CMPK2: variants seen among roughly 807,000 people sequenced by gnomAD.
The protein encoded by CMPK2 is UMP-CMP kinase 2, mitochondrial.
Under a neutral mutation model 33.4 loss-of-function variants are expected in CMPK2, and 32 were observed. The ratio of observed to expected loss-of-function variants is 0.96; its 90% CI spans 0.72 to 1.29. CMPK2 has a LOEUF of 1.29. CMPK2 is among the 50% of genes most tolerant of loss of function. CMPK2 has a pLI of 0.00. For missense variants in CMPK2, 672 were observed against 616.0 expected, an observed-to-expected ratio of 1.09 and a Z score of -0.96; for synonymous variants, 299 against 275.3, an observed-to-expected ratio of 1.09 and a Z score of -0.85.
chr2:6,851,707 TTC>T, intron 3 of CMPK2, 24 bp from the exon 4 acceptor site: 2 of 1,605,540 alleles, frequency 1.2e-6, no homozygotes, highest in Non-Finnish European at 1.7e-6. Context: ...GGGTAGTGAG[TTC>T]TCTGTCTGCA....
At chr2:6,851,745 A>T in intron 3 of CMPK2, 62 bp from the exon 4 acceptor site, 1 of 1,502,630 alleles carries the variant, frequency 6.7e-7, no homozygotes, top group Non-Finnish European at 9.1e-7. Context: ...GCATCTGAAA[A>T]TCAGCAGCCA....
intron 3 of CMPK2, among the ~76,000 whole-genome samples, chr2:6,860,163 C>T (rs1662830249): frequency 6.6e-6 from 1 of 152,188 alleles, no homozygotes; most frequent in Admixed American, 6.5e-5. Context: ...ATGCCTGTAG[C>T]CTCACTGTAT....
intron 3 of CMPK2, among the ~76,000 whole-genome samples, chr2:6,858,673 C>T (rs953902555): frequency 6.6e-6 from 1 of 152,192 alleles, no homozygotes; most frequent in African/African-American, 2.4e-5. Flanking sequence ...TGAGATGTGC[C>T]GTAACTTCCA....
chr2:6,854,449 C>A (rs1027469255), intron 3 of CMPK2, among the ~76,000 whole-genome samples: 1 of 152,166 alleles, frequency 6.6e-6, no homozygotes, highest in Non-Finnish European at 1.5e-5. Flanking sequence ...TCCACAAAGA[C>A]AACAAATAAC....
chr2:6,857,034 C>T (rs1361295539), intron 3 of CMPK2, among the ~76,000 whole-genome samples: 1 of 152,190 alleles, frequency 6.6e-6, no homozygotes, highest in Non-Finnish European at 1.5e-5. Flanking sequence ...AAACTGCTCT[C>T]TAAGTGATTA....
chr2:6,850,555 GC>G (rs1662486156), intron 4 of CMPK2: 1 of 175,778 alleles, frequency 5.7e-6, no homozygotes, highest in Non-Finnish European at 1.1e-5. Flanking sequence ...TCACAACTCT[GC>G]CTGACCACTT....
In CMPK2 at chr2:6,851,556, G is replaced by T; in HGVS notation, c.1120C>A (p.Leu374Met). 1.2e-6 allele frequency: 2 copies of T among 1,614,204 alleles called. No individual in the cohort carries two copies. The highest frequency in any genetic ancestry group is 1.7e-6 in the Non-Finnish European group (2 of 1,180,036). Residue 374 changes from leucine (L) to methionine (M), a missense_variant, in exon 4 of 5, where the codon CTG becomes ATG. Transcript: ENST00000256722. Reference protein sequence around the residue: ...EDLLKPDLILLLTVSPEERLQ... With the variant: ...EDLLKPDLILMLTVSPEERLQ... ...CTCTCCTCAGGACTCACAGTGAGCA[G>T]CAGGATAAGGTCAGGTTTGAGCAGG... is the stretch of plus-strand genomic sequence containing the variant.
intron 3 of CMPK2, 111 bp from the exon 4 acceptor site, chr2:6,851,794 C>G: frequency 1.3e-6 from 1 of 798,748 alleles, no homozygotes; most frequent in Non-Finnish European, 2.0e-6. Flanking sequence ...AGAAGTTTTT[C>G]TAGTATTGCA....
intron 2 of CMPK2, among the ~76,000 whole-genome samples, chr2:6,862,438 T>C (rs1662910270): frequency 6.6e-6 from 1 of 152,264 alleles, no homozygotes. Flanking sequence ...TGCCACTCTA[T>C]GCTAACTCCT....
Position 6,865,152 on chromosome 2 carries a change from C to A in CMPK2, c.545G>T (p.Gly182Val). The A allele has an allele frequency of 6.5e-7, 1 of 1,531,960 alleles. No individual in the cohort carries two copies. Among genetic ancestry groups the A allele is most frequent in the Non-Finnish European group, 8.8e-7 (1 of 1,140,806 alleles). 94.9% of individuals were successfully genotyped at this position (1,531,960 alleles called of 1,614,324 possible). The change falls in exon 1 of 5, where the codon GGC (glycine) becomes GTC (valine). Residue 182 changes from glycine to valine, a missense_variant. Gly to Val is a moderately radical substitution (Grantham distance 109). Coordinates refer to ENST00000256722, the MANE Select transcript of CMPK2 (RefSeq NM_207315.4). ...TGCGCAGCCCACCTGCAGCCGCCTGCCGTCTTGCACCTCCCAGAGGCGCTG... is the reference window on the plus strand; with the variant it reads ...TGCGCAGCCCACCTGCAGCCGCCTGACGTCTTGCACCTCCCAGAGGCGCTG... ...LWQRLWEVQDGRRLQVGCAQV... is the reference protein window; with the variant it reads ...LWQRLWEVQDVRRLQVGCAQV...
upstream of CMPK2, chr2:6,866,141 G>T (rs935588185): frequency 4.7e-6 from 1 of 213,916 alleles, no homozygotes; most frequent in Non-Finnish European, 9.7e-6. Flanking sequence ...GGGGGGCGGG[G>T]GTGCACGCGC....
At chr2:6,862,369 T>A (rs537578688) in intron 2 of CMPK2, among the ~76,000 whole-genome samples, 54 of 152,362 alleles carry the variant, frequency 3.5e-4, no homozygotes, top group South Asian at 3.5e-3. Flanking sequence ...ACCCTCCTGA[T>A]AGGCCTTGGT....
Position 6,861,279 on chromosome 2 carries a change from T to C in CMPK2, c.897A>G (p.Pro299=). Residue 299 remains proline (P), a synonymous_variant, in exon 3 of 5, where the codon CCA becomes CCG. Transcript: ENST00000256722. ...AGTAAAAAGCTCTTCTAATGATAGT[T>C]GGTTCATCATCAAAGATCTTCCTCC... ...GQWRKIFDDE[P]TIIRRAFYSL... The C allele has an allele frequency of 1.9e-6, 3 of 1,614,000 alleles. No individual in the cohort carries two copies. Among genetic ancestry groups the C allele is most frequent in the South Asian group, 1.1e-5 (1 of 91,084 alleles).
Position 6,848,350 on chromosome 2 carries a change from G to C in CMPK2, c.*1500C>G. 1.0e-6 allele frequency: 1 copy of C among 985,036 alleles called. No individual in the cohort carries two copies. The highest frequency in any genetic ancestry group is 1.2e-6 in the Non-Finnish European group (1 of 829,600). The allele number at this position is 985,036 out of a possible 1,614,324, so 61.0% of individuals were successfully genotyped here. A position where few individuals can be genotyped will look rare whatever the true frequency, so the allele number is the denominator to read the frequency against. ...AAACCACAGCAAAGTTTATTCATGT[G>C]CCAGGGACATAAAGATACATTAATT... On this transcript the variant is annotated 3_prime_UTR_variant, in exon 5 of 5. Coordinates refer to ENST00000256722, the MANE Select transcript of CMPK2 (RefSeq NM_207315.4).
intron 4 of CMPK2, 146 bp from the exon 5 acceptor site, chr2:6,850,119 C>T (rs1332880205): frequency 5.0e-6 from 3 of 594,470 alleles, no homozygotes; most frequent in South Asian, 2.4e-5. Context: ...CCACAGAAGA[C>T]GTTCATGCAT....
At chr2:6,840,694 G>A (rs1411850813) in intron 3 of CMPK2, 2 of 701,902 alleles carry the variant, frequency 2.8e-6, no homozygotes, top group Non-Finnish European at 2.6e-6. Flanking sequence ...GAGGGGAAAA[G>A]AGAGGAAAAA....
Position 6,851,123 on chromosome 2 carries a change from T to C in CMPK2, c.1226+327A>G. The C allele has an allele frequency of 2.6e-6, 3 of 1,170,336 alleles. No individual in the cohort carries two copies. In the South Asian group the frequency reaches 5.7e-5, roughly 22 times the overall value. 72.5% of individuals were successfully genotyped at this position (1,170,336 alleles called of 1,614,324 possible). ...TAGATGTTACTATGAGCTCGTTATC[T>C]AGTGCTCTGTGTGATTATACTATGA... On this transcript the variant is annotated intron_variant, in intron 4 of 4. Coordinates refer to ENST00000256722, the MANE Select transcript of CMPK2 (RefSeq NM_207315.4).
downstream of CMPK2, among the ~76,000 whole-genome samples, chr2:6,844,445 T>C (rs964768389): frequency 2.6e-5 from 4 of 152,212 alleles, no homozygotes; most frequent in African/African-American, 9.6e-5. Context: ...TCTCTCAGCC[T>C]TTCTATAAAC....
Position 6,861,207 on chromosome 2 carries a change from GGCA to G in CMPK2, c.966_968del (p.Ala323del). 1 of 1,613,608 alleles carries G rather than the reference GGCA, an allele frequency of 6.2e-7. No individual in the cohort carries two copies. Among genetic ancestry groups the G allele is most frequent in the Non-Finnish European group, 8.5e-7 (1 of 1,179,902 alleles). On this transcript the variant is annotated inframe_deletion, in exon 3 of 5. Transcript: ENST00000256722. ...ACCTGTCTACAATCACAGGAGATTT[GGCA>G]GATTCTTTAGCTATTTCGGAGGCCA...
Sources: gnomAD v4.1 joint callset for allele counts (sites outside exome capture counted in the v4.1 genomes callset) on GRCh38, gnomAD v4.1.1 for gene constraint, MANE v1.5 for transcripts, NCBI Gene and HGNC (gene_info 2026-07-23, HGNC 2026-07-21) for gene names.